The following ZBTB16 variants were observed in gnomAD, a reference collection of about 807,000 sequenced individuals.
The protein encoded by ZBTB16 is zinc finger and BTB domain-containing protein 16.
In ZBTB16, 8 loss-of-function variants were observed where a neutral mutation model predicts 56.8. The observed-to-expected ratio is 0.14, with a 90% CI of 0.08 to 0.25. ZBTB16 has a LOEUF of 0.25. Among genes scored for constraint, ZBTB16 ranks in the 10% least tolerant of loss-of-function variants. The pLI is 1.00. For synonymous variants in ZBTB16, 363 were observed against 368.5 expected (o/e 0.98, Z 0.17); for missense variants, 625 against 903.0 (o/e 0.69, Z 3.95).
chr11:114,210,192 T>TGTGTGTGTGTGTGTGTGTGC lies in ZBTB16; in HGVS notation c.1453+23155_1453+23156insTGTGTGTGTGTGTGTGTGCG, dbSNP rs773801156. 1.5e-4 allele frequency among the ~76,000 whole-genome samples: 22 copies of TGTGTGTGTGTGTGTGTGTGC among 143,342 alleles called. 1 individual carries two copies. The highest frequency in any genetic ancestry group is 5.3e-4 in the African/African-American group (21 of 39,492). 94.0% of individuals were successfully genotyped at this position (143,342 alleles called of 152,430 possible). The stretch of plus-strand genomic sequence containing the variant: ...GTGTGTGTGTGTGTGTGTGTGTGTG[T>TGTGTGTGTGTGTGTGTGTGC]GCGTGCGCGCGCGTGCACAGTTTGT... On this transcript the variant is annotated intron_variant, in intron 4 of 6. Transcript: ENST00000335953.
intron 2 of ZBTB16, among the ~76,000 whole-genome samples, chr11:114,105,075 C>A: frequency 6.6e-6 from 1 of 152,202 alleles, no homozygotes; most frequent in East Asian, 1.9e-4. Context: ...GGTAATTTGG[C>A]ACTTGTTAGG....
intron 4 of ZBTB16, among the ~76,000 whole-genome samples, chr11:114,223,058 G>A (rs1008558616): frequency 6.6e-6 from 1 of 152,200 alleles, no homozygotes; most frequent in Non-Finnish European, 1.5e-5. Flanking sequence ...TTGTTGTCAG[G>A]TTTGACTTCA....
intron 2 of ZBTB16, among the ~76,000 whole-genome samples, chr11:114,078,253 A>G (rs1939638793): frequency 6.6e-6 from 1 of 152,202 alleles, no homozygotes; most frequent in South Asian, 2.1e-4. Context: ...CATTAATACA[A>G]GATGGGAAAG....
intron 3 of ZBTB16, among the ~76,000 whole-genome samples, chr11:114,171,969 T>C (rs1044196224): frequency 6.6e-6 from 1 of 152,152 alleles, no homozygotes; most frequent in Non-Finnish European, 1.5e-5. Context: ...GCACCCTGCC[T>C]GAGAAGGAAG....
intron 3 of ZBTB16, among the ~76,000 whole-genome samples, chr11:114,170,055 A>G (rs1271150567): frequency 6.6e-6 from 1 of 152,146 alleles, no homozygotes; most frequent in Non-Finnish European, 1.5e-5. Flanking sequence ...CTTGGCCTGG[A>G]GGTTGAGAAA....
chr11:114,249,771 C>CAAAAAAAAAAAAAAAAAA, intron 6 of ZBTB16, among the ~76,000 whole-genome samples: 1 of 59,320 alleles, frequency 1.7e-5, no homozygotes, highest in African/African-American at 7.9e-5. Context: ...GACTCCGTCT[C>CAAAAAAAAAAAAAAAAAA]AAAAAAAAAA....
At chr11:114,126,484 G>A (rs755727267) in intron 2 of ZBTB16, among the ~76,000 whole-genome samples, 1 of 152,150 alleles carries the variant, frequency 6.6e-6, no homozygotes, top group Non-Finnish European at 1.5e-5. Flanking sequence ...TTGGTCCTGG[G>A]TAGAGCTGGG....
At chr11:114,206,230 T>TC (rs1943869059) in intron 4 of ZBTB16, among the ~76,000 whole-genome samples, 1 of 152,056 alleles carries the variant, frequency 6.6e-6, no homozygotes, top group Admixed American at 6.6e-5. Flanking sequence ...TAATTAGGGG[T>TC]CCTAGAATTC....
chr11:114,160,043 A>G (rs1942543432), intron 3 of ZBTB16, among the ~76,000 whole-genome samples: 1 of 151,382 alleles, frequency 6.6e-6, no homozygotes, highest in South Asian at 2.1e-4. Flanking sequence ...CTGCCCTTGC[A>G]CTGGCACATT....
At chr11:114,110,097 G>C (rs1386644281) in intron 2 of ZBTB16, among the ~76,000 whole-genome samples, 1 of 152,062 alleles carries the variant, frequency 6.6e-6, no homozygotes, top group Non-Finnish European at 1.5e-5. Context: ...GGGGGACTTA[G>C]GTGCAAATGT....
intron 2 of ZBTB16, among the ~76,000 whole-genome samples, chr11:114,117,266 C>T (rs1941200584): frequency 6.6e-6 from 1 of 152,042 alleles, no homozygotes; most frequent in Non-Finnish European, 1.5e-5. Flanking sequence ...TGAAGTCTTG[C>T]TTGTGCAGCA....
intron 2 of ZBTB16, among the ~76,000 whole-genome samples, chr11:114,108,594 C>CTAT (rs530012140): frequency 1.1e-4 from 16 of 152,188 alleles, no homozygotes; most frequent in Non-Finnish European, 2.2e-4. Flanking sequence ...AGACCTGCAG[C>CTAT]TATTAAGAAA....
chr11:114,160,283 GGGGTGAAGGA>G (rs1285445672), intron 3 of ZBTB16, among the ~76,000 whole-genome samples: 1 of 152,246 alleles, frequency 6.6e-6, no homozygotes, highest in African/African-American at 2.4e-5. Flanking sequence ...TGGTTGGGGT[GGGGTGAAGGA>G]GGAGGCAAGA....
Position 114,181,771 on chromosome 11 carries a change from T to A in ZBTB16, c.1367-5181T>A, listed in dbSNP as rs79808619. Among the ~76,000 whole-genome samples, 948 of 152,266 alleles carry A rather than the reference T, an allele frequency of 6.2e-3. 9 individuals carry two copies. Among genetic ancestry groups the A allele is most frequent in the African/African-American group, 0.021 (877 of 41,540 alleles). On this transcript the variant is annotated intron_variant, in intron 3 of 6. Coordinates refer to ENST00000335953, the MANE Select transcript of ZBTB16 (RefSeq NM_006006.6). ...CTGTGATTGCTGTGGTTAGCAAGGGTCTAGCGCACTTTATCTTCTGCTATT... is the reference window on the plus strand; with the variant it reads ...CTGTGATTGCTGTGGTTAGCAAGGGACTAGCGCACTTTATCTTCTGCTATT...
At chr11:114,083,062 C>T (rs541896304) in intron 2 of ZBTB16, among the ~76,000 whole-genome samples, 3 of 152,324 alleles carry the variant, frequency 2.0e-5, no homozygotes, top group South Asian at 2.1e-4. Flanking sequence ...CTAACCTCAA[C>T]GGAGGAGCGG....
intron 6 of ZBTB16, among the ~76,000 whole-genome samples, chr11:114,247,794 G>C (rs540359412): frequency 6.6e-6 from 1 of 152,212 alleles, no homozygotes; most frequent in Non-Finnish European, 1.5e-5. Flanking sequence ...TGTTATGAAG[G>C]TTGGGAAGTT....
intron 3 of ZBTB16, among the ~76,000 whole-genome samples, chr11:114,161,021 C>T (rs1255001715): frequency 5.9e-5 from 9 of 152,208 alleles, no homozygotes; most frequent in African/African-American, 1.2e-4. Context: ...CCCTCTGCTA[C>T]CTTACCCCTT....
intron 5 of ZBTB16, among the ~76,000 whole-genome samples, chr11:114,246,413 A>G (rs114030172): frequency 6.6e-6 from 1 of 152,208 alleles, no homozygotes; most frequent in Non-Finnish European, 1.5e-5. Context: ...CAACTGTAAA[A>G]TGAGACTAAT....
In ZBTB16 at chr11:114,063,816, T is replaced by C; in HGVS notation, c.516T>C (p.Ala172=). ...SSEESGYASV[A]GQSLPGPMVD... ...AGGAGAGTGGGTATGCCAGTGTGGC[T>C]GGACAGAGCCTCCCTGGGCCCATGG... The change falls in exon 2 of 7, where the codon GCT becomes GCC. Residue 172 remains alanine (A), a synonymous_variant. Transcript: ENST00000335953. This position sits in a 1 kb window ranked among gnomAD's most constrained non-coding sequence, Gnocchi z 6.5. 1 of 1,614,172 alleles carries C rather than the reference T, an allele frequency of 6.2e-7. No homozygotes were observed. Among genetic ancestry groups the C allele is most frequent in the Non-Finnish European group, 8.5e-7 (1 of 1,180,026 alleles).
Sources: allele counts gnomAD v4.1 joint callset (sites outside exome capture counted in the v4.1 genomes callset), GRCh38; gene constraint gnomAD v4.1.1; non-coding constraint Gnocchi (gnomAD v3.1); transcripts MANE v1.5; gene names NCBI Gene and HGNC (gene_info 2026-07-23, HGNC 2026-07-21).